STK32B: variants seen among roughly 807,000 people sequenced by gnomAD.
STK32B encodes the protein serine/threonine kinase 32B.
A neutral mutation model predicts 52.6 loss-of-function variants in STK32B; 43 were observed. The ratio of observed to expected loss-of-function variants is 0.82; its 90% CI spans 0.64 to 1.05. The LOEUF is 1.05. Ranked by LOEUF, STK32B falls within the 50% of genes least tolerant of loss-of-function variation. The pLI is 0.00. For missense variants in STK32B, 621 were observed against 534.6 expected (o/e 1.16, Z -1.59); for synonymous variants, 238 against 204.3 (o/e 1.17, Z -1.41).
chr4:5,317,539 GTA>G lies in STK32B; in HGVS notation c.261-13662_261-13661del, dbSNP rs373146893. On this transcript the variant is annotated intron_variant, in intron 3 of 11. Coordinates refer to ENST00000282908, the MANE Select transcript of STK32B (RefSeq NM_018401.3). Reference sequence around the variant, plus strand: ...TATATTTATTATATATATATTACATGTATATATATATATATATATAACTTGAA... The same window carrying G: ...TATATTTATTATATATATATTACATGTATATATATATATATATAACTTGAA... 2.4e-3 allele frequency among the ~76,000 whole-genome samples: 222 copies of G among 92,018 alleles called. 23 individuals carry two copies. The highest frequency in any genetic ancestry group is 0.012 in the African/African-American group (155 of 13,416). 60.4% of individuals were successfully genotyped at this position (92,018 alleles called of 152,430 possible). A position where few individuals can be genotyped will look rare whatever the true frequency, so the allele number is the denominator to read the frequency against.
At chr4:5,174,397 C>T (rs182096740) in intron 3 of STK32B, among the ~76,000 whole-genome samples, 40 of 152,254 alleles carry the variant, frequency 2.6e-4, no homozygotes, top group African/African-American at 3.6e-4. Flanking sequence ...TTCCTAGCCT[C>T]GATGGTCTTT....
chr4:5,329,969 C>A (rs1732124789), intron 3 of STK32B, among the ~76,000 whole-genome samples: 1 of 152,158 alleles, frequency 6.6e-6, no homozygotes, highest in African/African-American at 2.4e-5. Context: ...CAGGCTCCCT[C>A]CCCAGGGCTG....
At chr4:5,351,722 A>G (rs1733837674) in intron 4 of STK32B, among the ~76,000 whole-genome samples, 1 of 152,010 alleles carries the variant, frequency 6.6e-6, no homozygotes, top group Non-Finnish European at 1.5e-5. Context: ...GCTTGACTAA[A>G]TAAGAAAAAA....
At chr4:5,272,580 G>A (rs531005552) in intron 3 of STK32B, among the ~76,000 whole-genome samples, 1 of 152,196 alleles carries the variant, frequency 6.6e-6, no homozygotes, top group Non-Finnish European at 1.5e-5. Flanking sequence ...AGAAGGAATG[G>A]TACCAGTTCC....
At chr4:5,034,164 G>C in the STK32B span, among the ~76,000 whole-genome samples, 1 of 152,150 alleles carries the variant, frequency 6.6e-6, no homozygotes, top group Non-Finnish European at 1.5e-5. Flanking sequence ...CTGGAGCTTT[G>C]GACTCTTACG....
chr4:5,270,520 T>C (rs1197071882), intron 3 of STK32B, among the ~76,000 whole-genome samples: 1 of 152,022 alleles, frequency 6.6e-6, no homozygotes, highest in East Asian at 1.9e-4. Flanking sequence ...CCAGGAACAG[T>C]ATTTTGCATT....
intron 3 of STK32B, among the ~76,000 whole-genome samples, chr4:5,269,901 T>C (rs997265516): frequency 2.2e-5 from 3 of 138,180 alleles, no homozygotes; most frequent in South Asian, 2.2e-4. Flanking sequence ...AATTCAACAA[T>C]AATAAAAGAA....
chr4:5,343,804 A>T (rs117625290), intron 4 of STK32B, among the ~76,000 whole-genome samples: 1,578 of 152,304 alleles, frequency 0.01, 24 homozygotes, highest in East Asian at 0.074. Context: ...ATTCTTTGAT[A>T]TATGGGAAGC....
At chr4:5,318,035 G>T (rs1195173574) in intron 3 of STK32B, among the ~76,000 whole-genome samples, 1 of 152,158 alleles carries the variant, frequency 6.6e-6, no homozygotes, top group Non-Finnish European at 1.5e-5. Flanking sequence ...AATGCCTGCT[G>T]AAGTTTGAGA....
chr4:5,169,880 T>C (rs1719219553), intron 3 of STK32B, among the ~76,000 whole-genome samples: 1 of 152,132 alleles, frequency 6.6e-6, no homozygotes, highest in Non-Finnish European at 1.5e-5. Flanking sequence ...TAATTATTTT[T>C]ATACTCCTTT....
chr4:5,332,954 A>C lies in STK32B; in HGVS notation c.434+1561A>C, dbSNP rs148105222. Among the ~76,000 whole-genome samples, 928 of 152,290 alleles carry C rather than the reference A, an allele frequency of 6.1e-3. 19 individuals are homozygous for C. Among genetic ancestry groups the C allele is most frequent in the African/African-American group, 0.014 (602 of 41,534 alleles). On this transcript the variant is annotated intron_variant, in intron 4 of 11. Transcript: ENST00000282908. Reference sequence around the variant, plus strand: ...TATTGTGAATAGTGCCGCAATAAACATAAGTGTGCATGTGTCTTTATAACA... The same window carrying C: ...TATTGTGAATAGTGCCGCAATAAACCTAAGTGTGCATGTGTCTTTATAACA...
intron 5 of STK32B, among the ~76,000 whole-genome samples, chr4:5,416,181 C>T (rs967683039): frequency 1.3e-5 from 2 of 152,002 alleles, no homozygotes; most frequent in African/African-American, 4.8e-5. Context: ...TTCCTTCCTC[C>T]CTGTCCCCTT....
chr4:5,328,971 G>T (rs1732052387), intron 3 of STK32B, among the ~76,000 whole-genome samples: 1 of 152,172 alleles, frequency 6.6e-6, no homozygotes, highest in South Asian at 2.1e-4. Flanking sequence ...ACTTTGGGAG[G>T]CCAAGAGTGA....
In STK32B at chr4:5,417,879, T is replaced by C. The variant is rs1038133146; in HGVS notation, c.562+945T>C. Among the ~76,000 whole-genome samples, 4 of 152,240 alleles carry C rather than the reference T, an allele frequency of 2.6e-5. No individual in the cohort carries two copies. In the East Asian group the frequency reaches 7.7e-4, roughly 29 times the overall value. On this transcript the variant is annotated intron_variant, in intron 6 of 11. Transcript: ENST00000282908. The stretch of plus-strand genomic sequence containing the variant: ...AGACGCATTCAACTGGTAGGTCAGC[T>C]GGGAGCTAGGTTCAGCTAGGACAGC...
At chr4:5,490,079 A>C (rs1296286059) in intron 11 of STK32B, among the ~76,000 whole-genome samples, 1 of 151,294 alleles carries the variant, frequency 6.6e-6, no homozygotes, top group Non-Finnish European at 1.5e-5. Context: ...ATAAGGCTAA[A>C]TTTTAAGATC....
chr4:5,220,519 G>A (rs1316599381), intron 3 of STK32B, among the ~76,000 whole-genome samples: 1 of 152,176 alleles, frequency 6.6e-6, no homozygotes, highest in East Asian at 1.9e-4. Flanking sequence ...AAAGAGTCAG[G>A]GAGAAGGTAT....
At chr4:5,198,731 G>T (rs574940331) in intron 3 of STK32B, among the ~76,000 whole-genome samples, 2 of 152,218 alleles carry the variant, frequency 1.3e-5, no homozygotes, top group Non-Finnish European at 2.9e-5. Context: ...GCACCTGGCA[G>T]ACGGCTAGAC....
At chr4:5,176,377 G>C (rs901957461) in intron 3 of STK32B, among the ~76,000 whole-genome samples, 1 of 151,824 alleles carries the variant, frequency 6.6e-6, no homozygotes, top group South Asian at 2.1e-4. Context: ...AGAAATCACC[G>C]GTCTTCTGCG....
At position 5,399,702 on chromosome 4, in the gene STK32B, C is replaced by T. The variant is rs953472432; in HGVS notation, c.472+1458C>T. 1.3e-5 allele frequency among the ~76,000 whole-genome samples: 2 copies of T among 152,212 alleles called. No homozygotes were observed. The highest frequency in any genetic ancestry group is 2.9e-5 in the Non-Finnish European group (2 of 68,040). On this transcript the variant is annotated intron_variant, in intron 5 of 11. Transcript: ENST00000282908. This position sits in a 1 kb window ranked among gnomAD's most constrained non-coding sequence, Gnocchi z 5.4. Reference sequence around the variant, plus strand: ...TGTCCTTGGGCCAGTGGCTGTACCTCCGTGTCTCAGCCTTCCCAGCAGCGA... The same window carrying T: ...TGTCCTTGGGCCAGTGGCTGTACCTTCGTGTCTCAGCCTTCCCAGCAGCGA...
Sources: allele counts gnomAD v4.1 joint callset (sites outside exome capture counted in the v4.1 genomes callset), GRCh38; gene constraint gnomAD v4.1.1; non-coding constraint Gnocchi (gnomAD v3.1); transcripts MANE v1.5; gene names NCBI Gene and HGNC (gene_info 2026-07-23, HGNC 2026-07-21).